The following MAPKAP1 variants were observed in gnomAD, a reference collection of about 807,000 sequenced individuals.
The protein encoded by MAPKAP1 is target of rapamycin complex 2 subunit MAPKAP1.
Under a neutral mutation model 65.7 loss-of-function variants are expected in MAPKAP1, and 20 were observed. The observed-to-expected ratio is 0.30, with a 90% CI of 0.21 to 0.44. The LOEUF (loss-of-function observed/expected upper bound fraction) is 0.44. MAPKAP1 is among the 20% of genes least tolerant of loss of function. MAPKAP1 has a pLI of 1.00. For missense variants in MAPKAP1, 423 were observed against 648.0 expected, an observed-to-expected ratio of 0.65 and a Z score of 3.77; for synonymous variants, 222 against 244.3, an observed-to-expected ratio of 0.91 and a Z score of 0.85.
At position 125,461,022 on chromosome 9, in the gene MAPKAP1, G is replaced by A. The variant is rs1853474301; in HGVS notation, c.1345+6950C>T. On this transcript the variant is annotated intron_variant, in intron 10 of 11. Transcript: ENST00000265960. ...GACCAGGTCAGTCAATGGGACACACGTTGGCCTGGCTGAGTTCTCAGGGAC... is the reference window on the plus strand; with the variant it reads ...GACCAGGTCAGTCAATGGGACACACATTGGCCTGGCTGAGTTCTCAGGGAC... Among the ~76,000 whole-genome samples, 2 of 152,184 alleles carry A rather than the reference G, an allele frequency of 1.3e-5. 1 individual carries two copies. The highest frequency in any genetic ancestry group is 4.1e-4 in the South Asian group (2 of 4,824).
chr9:125,592,947 C>T (rs995427099), intron 4 of MAPKAP1, among the ~76,000 whole-genome samples: 3 of 143,394 alleles, frequency 2.1e-5, no homozygotes, highest in Non-Finnish European at 4.6e-5. Context: ...CTGTGACAGG[C>T]TGTTGGAAAA....
At chr9:125,647,899 C>T (rs116564307) in intron 4 of MAPKAP1, among the ~76,000 whole-genome samples, 1,647 of 150,432 alleles carry the variant, frequency 0.011, 39 homozygotes, top group African/African-American at 0.037. Flanking sequence ...CCAGTTACTA[C>T]GTGTGAAAGC....
At chr9:125,549,863 G>C (rs944429044) in intron 6 of MAPKAP1, among the ~76,000 whole-genome samples, 1 of 152,160 alleles carries the variant, frequency 6.6e-6, no homozygotes, top group Non-Finnish European at 1.5e-5. Context: ...GGGATAATGA[G>C]GTCCCTCTCC....
intron 2 of MAPKAP1, 70 bp downstream of exon 2, chr9:125,672,245 AT>A: frequency 6.5e-7 from 1 of 1,533,288 alleles, no homozygotes. Flanking sequence ...CTATTCCAAT[AT>A]TATGCATTAT....
intron 1 of MAPKAP1, among the ~76,000 whole-genome samples, chr9:125,689,212 C>T (rs148369351): frequency 2.9e-4 from 44 of 151,598 alleles, no homozygotes; most frequent in Admixed American, 1.1e-3. Context: ...CCGAGGTGGG[C>T]GGATCACGAA....
chr9:125,499,777 A>C (rs1293815859), intron 8 of MAPKAP1, among the ~76,000 whole-genome samples: 1 of 152,130 alleles, frequency 6.6e-6, no homozygotes, highest in Admixed American at 6.6e-5. Context: ...TATGGGAGGC[A>C]GAAGCAAGCC....
chr9:125,478,867 C>T (rs1205452586), intron 9 of MAPKAP1, among the ~76,000 whole-genome samples: 7 of 152,166 alleles, frequency 4.6e-5, no homozygotes, highest in Non-Finnish European at 8.8e-5. Context: ...GTGGGAACAA[C>T]AATATCAATG....
intron 7 of MAPKAP1, among the ~76,000 whole-genome samples, chr9:125,517,574 G>C (rs1829499339): frequency 6.6e-6 from 1 of 152,092 alleles, no homozygotes; most frequent in African/African-American, 2.4e-5. Flanking sequence ...AAAATAAAAA[G>C]AAAAATAGTT....
chr9:125,579,860 C>T (rs1003986883), intron 5 of MAPKAP1, among the ~76,000 whole-genome samples: 2 of 152,148 alleles, frequency 1.3e-5, no homozygotes, highest in South Asian at 2.1e-4. Flanking sequence ...AGAAATCCAA[C>T]GTCACTAAGA....
chr9:125,516,700 C>A (rs1020029619), intron 7 of MAPKAP1, among the ~76,000 whole-genome samples: 4 of 152,150 alleles, frequency 2.6e-5, no homozygotes, highest in Non-Finnish European at 5.9e-5. Context: ...GTTCTGGAGT[C>A]AAAAAGACTT....
intron 9 of MAPKAP1, among the ~76,000 whole-genome samples, chr9:125,469,324 CAGATA>C (rs1369426681): frequency 2.6e-5 from 4 of 152,172 alleles, no homozygotes; most frequent in African/African-American, 9.6e-5. Context: ...AAAGCAGCAG[CAGATA>C]AAAGAAACAG....
intron 2 of MAPKAP1, among the ~76,000 whole-genome samples, chr9:125,671,828 C>T (rs1267545822): frequency 6.6e-6 from 1 of 152,174 alleles, no homozygotes; most frequent in Non-Finnish European, 1.5e-5. Flanking sequence ...CCTACTAAAA[C>T]CAGCCCTAAC....
chr9:125,494,638 T>C (rs1489960175), intron 8 of MAPKAP1, among the ~76,000 whole-genome samples: 3 of 152,158 alleles, frequency 2.0e-5, no homozygotes, highest in African/African-American at 7.2e-5. Flanking sequence ...TATCCCTCAG[T>C]CTCATCTTTC....
chr9:125,665,798 T>C (rs577033889), intron 3 of MAPKAP1, among the ~76,000 whole-genome samples: 1 of 152,342 alleles, frequency 6.6e-6, no homozygotes, highest in East Asian at 1.9e-4. Flanking sequence ...TTGGGAATCA[T>C]TACTTAAGAA....
chr9:125,488,406 C>A (rs1176147802), intron 8 of MAPKAP1, among the ~76,000 whole-genome samples: 1 of 152,166 alleles, frequency 6.6e-6, no homozygotes, highest in East Asian at 1.9e-4. Flanking sequence ...GCTCTTGTTG[C>A]CCAGGCTGGA....
intron 7 of MAPKAP1, among the ~76,000 whole-genome samples, chr9:125,529,171 T>A: frequency 8.3e-6 from 1 of 121,098 alleles, no homozygotes; most frequent in Non-Finnish European, 1.6e-5. Context: ...TGAAACTCTA[T>A]CTCAGGAAAA....
intron 3 of MAPKAP1, among the ~76,000 whole-genome samples, chr9:125,662,501 G>A (rs890575743): frequency 1.3e-5 from 2 of 152,172 alleles, no homozygotes; most frequent in African/African-American, 4.8e-5. Context: ...GGCTAAGAGG[G>A]TGAAACCCTG....
chr9:125,517,585 T>C (rs1053926842), intron 7 of MAPKAP1, among the ~76,000 whole-genome samples: 2 of 152,218 alleles, frequency 1.3e-5, no homozygotes, highest in Non-Finnish European at 2.9e-5. Flanking sequence ...AAAAATAGTT[T>C]ATGTATTGCC....
Position 125,672,575 on chromosome 9 carries a change from C to A in MAPKAP1, c.-1G>T. ...TAGTTGGATTGTCCAAGAAGGCCATCCTTTCTGTGGGCCAATTTCCTTAAA... is the reference window on the plus strand; with the variant it reads ...TAGTTGGATTGTCCAAGAAGGCCATACTTTCTGTGGGCCAATTTCCTTAAA... On this transcript the variant is annotated 5_prime_UTR_variant, in exon 2 of 12. Transcript: ENST00000265960. 1.9e-6 allele frequency: 3 copies of A among 1,613,052 alleles called. No homozygotes were observed. Among genetic ancestry groups the A allele is most frequent in the Non-Finnish European group, 2.5e-6 (3 of 1,179,060 alleles).
Sources: allele counts gnomAD v4.1 joint callset (sites outside exome capture counted in the v4.1 genomes callset), GRCh38; gene constraint gnomAD v4.1.1; transcripts MANE v1.5; gene names NCBI Gene and HGNC (gene_info 2026-07-23, HGNC 2026-07-21).